The following CCSER2 variants were observed in gnomAD, a reference collection of about 807,000 sequenced individuals.
CCSER2 encodes coiled-coil serine rich protein 2.
In CCSER2, 46 loss-of-function variants were observed where a neutral mutation model predicts 92.3. The observed-to-expected ratio is 0.50, with a 90% CI of 0.39 to 0.64. The LOEUF is 0.64. Among genes scored for constraint, CCSER2 ranks in the 30% least tolerant of loss-of-function variants. CCSER2 has a pLI of 0.00. For missense variants in CCSER2, 1,244 were observed against 1,238.9 expected (o/e 1.00, Z -0.06); for synonymous variants, 433 against 431.4 (o/e 1.00, Z -0.04).
intron 3 of CCSER2, among the ~76,000 whole-genome samples, chr10:84,411,529 T>A (rs1487708783): frequency 2.0e-5 from 3 of 152,046 alleles, no homozygotes; most frequent in Non-Finnish European, 1.5e-5. Flanking sequence ...CTTCCATTGT[T>A]AGCTGTGTTA....
At chr10:84,470,316 A>G (rs902149438) in intron 7 of CCSER2, 56 bp from the exon 8 acceptor site, 1 of 965,544 alleles carries the variant, frequency 1.0e-6, no homozygotes, top group Admixed American at 4.4e-5. Context: ...CATTGATTTC[A>G]TGCCTCTCAT....
In CCSER2 at chr10:84,513,390, A is replaced by G. The variant is rs540945706; in HGVS notation, c.2326-59A>G. 179 of 1,292,896 alleles carry G rather than the reference A, an allele frequency of 1.4e-4. 1 individual carries two copies. In the Middle Eastern group the frequency reaches 1.5e-3, roughly 11 times the overall value. The allele number at this position is 1,292,896 out of a possible 1,614,324, so 80.1% of individuals were successfully genotyped here. On this transcript the variant is annotated intron_variant, in intron 9 of 9. Transcript: ENST00000372088. ...CCAACACAGCCTAATTGGTATTTAT[A>G]TTAAATCTGGGTGGAATTTCTAAGA...
intron 3 of CCSER2, among the ~76,000 whole-genome samples, chr10:84,397,588 T>A (rs1220823463): frequency 2.0e-5 from 3 of 152,232 alleles, no homozygotes; most frequent in Admixed American, 6.5e-5. Flanking sequence ...ATATATATGT[T>A]AACTGAAGTC....
chr10:84,355,715 G>A (rs553418733), intron 1 of CCSER2, among the ~76,000 whole-genome samples: 3 of 152,310 alleles, frequency 2.0e-5, no homozygotes, highest in East Asian at 1.9e-4. Context: ...TGTAATGAAA[G>A]CATTTCTTCC....
chr10:84,513,902 A>G lies in CCSER2; in HGVS notation c.2779A>G (p.Ile927Val). ...PKSLQLLKPS[I>V]LSSLVPPPVS... ...GTCCTTGCAGCTTTTAAAGCCATCC[A>G]TATTGAGTTCTTTGGTACCGCCTCC... Residue 927 changes from isoleucine (I) to valine (V), a missense_variant, in exon 10 of 10, where the codon ATA becomes GTA. Ile to Val is a conservative substitution (Grantham distance 29, BLOSUM62 3). Transcript: ENST00000372088. The G allele has an allele frequency of 2.0e-6, 3 of 1,536,548 alleles. No homozygotes were observed. Among genetic ancestry groups the G allele is most frequent in the African/African-American group, 1.4e-5 (1 of 73,178 alleles).
chr10:84,483,061 T>A lies in CCSER2; in HGVS notation c.2325+5397T>A, dbSNP rs138748905. 2.6e-3 allele frequency among the ~76,000 whole-genome samples: 401 copies of A among 152,278 alleles called. 1 individual carries two copies. The highest frequency in any genetic ancestry group is 9.3e-3 in the African/African-American group (385 of 41,576). On this transcript the variant is annotated intron_variant, in intron 9 of 9. Transcript: ENST00000372088. ...GGTATATATAAAAGATATGCATATGTAATTTATATAAGTTCAGCAATTGGA... is the reference window on the plus strand; with the variant it reads ...GGTATATATAAAAGATATGCATATGAAATTTATATAAGTTCAGCAATTGGA...
chr10:84,397,538 T>C (rs1425287948), intron 3 of CCSER2, among the ~76,000 whole-genome samples: 1 of 152,208 alleles, frequency 6.6e-6, no homozygotes, highest in East Asian at 1.9e-4. Flanking sequence ...ACAAAAAGAC[T>C]ACACATACCA....
In CCSER2 at chr10:84,372,307, A is replaced by G; in HGVS notation, c.1255A>G (p.Ile419Val). The change falls in exon 2 of 10, where the codon ATA becomes GTA. Residue 419 changes from isoleucine to valine, a missense_variant. Transcript: ENST00000372088. ...AAGTGAAGACTTTAGTGATGATTTT[A>G]TAGATATAGAAGACTCCAACAGAAC... ...DLSEDFSDDFIDIEDSNRTRI... is the reference protein window; with the variant it reads ...DLSEDFSDDFVDIEDSNRTRI... 2 of 1,612,822 alleles carry G rather than the reference A, an allele frequency of 1.2e-6. No individual in the cohort carries two copies. Among genetic ancestry groups the G allele is most frequent in the Non-Finnish European group, 8.5e-7 (1 of 1,179,080 alleles).
intron 1 of CCSER2, among the ~76,000 whole-genome samples, chr10:84,346,418 T>A (rs1844482910): frequency 1.3e-5 from 2 of 151,876 alleles, no homozygotes; most frequent in African/African-American, 4.8e-5. Context: ...TATTTTGTGC[T>A]GCTTGTCTTC....
chr10:84,425,755 T>G lies in CCSER2; in HGVS notation c.1730T>G (p.Phe577Cys). The change falls in exon 5 of 10, where the codon TTT (phenylalanine) becomes TGT (cysteine). Residue 577 changes from phenylalanine to cysteine, a missense_variant. Coordinates refer to ENST00000372088, the MANE Select transcript of CCSER2 (RefSeq NM_001284240.2). ...GTGGAGTGTGACAATATGAACCGCTTTGACCGACCAGACAGAAATGTTCGG... is the reference window on the plus strand; with the variant it reads ...GTGGAGTGTGACAATATGAACCGCTGTGACCGACCAGACAGAAATGTTCGG... ...ENVECDNMNR[F>C]DRPDRNVRQP... 3 of 1,612,804 alleles carry G rather than the reference T, an allele frequency of 1.9e-6. No homozygotes were observed. Among genetic ancestry groups the G allele is most frequent in the Admixed American group, 1.7e-5 (1 of 59,906 alleles).
At chr10:84,489,247 G>A (rs375957596) in intron 9 of CCSER2, among the ~76,000 whole-genome samples, 24 of 152,112 alleles carry the variant, frequency 1.6e-4, no homozygotes, top group African/African-American at 4.1e-4. Context: ...GTAGATGTCT[G>A]TTAGGTCCGC....
intron 8 of CCSER2, among the ~76,000 whole-genome samples, chr10:84,471,719 A>C (rs961873459): frequency 2.0e-5 from 3 of 152,168 alleles, no homozygotes; most frequent in Non-Finnish European, 4.4e-5. Context: ...TAGTTGGAGA[A>C]AACTTACTGC....
At chr10:84,349,832 A>G (rs183415009) in intron 1 of CCSER2, among the ~76,000 whole-genome samples, 2 of 152,162 alleles carry the variant, frequency 1.3e-5, no homozygotes, top group East Asian at 1.9e-4. Context: ...CATTCTCCAC[A>G]TAACAGCCAG....
chr10:84,461,841 A>G (rs182480502), intron 6 of CCSER2, among the ~76,000 whole-genome samples: 16 of 151,954 alleles, frequency 1.1e-4, no homozygotes, highest in Admixed American at 5.9e-4. Context: ...CTCTGTTTAG[A>G]TGTTGAGTAA....
intron 9 of CCSER2, among the ~76,000 whole-genome samples, chr10:84,489,026 A>G (rs973075942): frequency 2.6e-5 from 4 of 152,178 alleles, no homozygotes; most frequent in South Asian, 4.1e-4. Flanking sequence ...CAGGTTGTTC[A>G]GTTTCCATGT....
chr10:84,360,694 C>A lies in CCSER2; in HGVS notation c.-39-10320C>A, dbSNP rs919885543. Among the ~76,000 whole-genome samples the A allele has an allele frequency of 2.0e-5, 3 of 152,226 alleles. No individual in the cohort carries two copies. In the South Asian group the frequency reaches 6.2e-4, roughly 32 times the overall value. On this transcript the variant is annotated intron_variant, in intron 1 of 9. Coordinates refer to ENST00000372088, the MANE Select transcript of CCSER2 (RefSeq NM_001284240.2). ...GATTTCCAACGTATGAATTCCAGAT[C>A]GGCAGAATCAACATCACCTGGAAAC...
At chr10:84,422,406 A>G (rs1272368968) in intron 4 of CCSER2, among the ~76,000 whole-genome samples, 1 of 152,166 alleles carries the variant, frequency 6.6e-6, no homozygotes, top group Admixed American at 6.5e-5. Flanking sequence ...ATATTTAGAG[A>G]AATTTATTTT....
chr10:84,466,446 T>A (rs1846434039), intron 7 of CCSER2, among the ~76,000 whole-genome samples: 1 of 152,170 alleles, frequency 6.6e-6, no homozygotes, highest in African/African-American at 2.4e-5. Flanking sequence ...AGCCTTATGT[T>A]TGTTCATCCA....
intron 3 of CCSER2, among the ~76,000 whole-genome samples, chr10:84,388,802 G>A (rs1841364224): frequency 2.0e-5 from 3 of 152,050 alleles, no homozygotes; most frequent in African/African-American, 4.8e-5. Context: ...TCACAATAGG[G>A]TTCTCTCTCC....
Sources: allele counts gnomAD v4.1 joint callset (sites outside exome capture counted in the v4.1 genomes callset), GRCh38; gene constraint gnomAD v4.1.1; transcripts MANE v1.5; gene names NCBI Gene and HGNC (gene_info 2026-07-23, HGNC 2026-07-21).